The following PTPN1 variants were observed in gnomAD, a reference collection of about 807,000 sequenced individuals.
PTPN1 encodes the protein protein tyrosine phosphatase non-receptor type 1.
PTPN1 carries 12 observed loss-of-function variants against 59.9 expected under a neutral mutation model. The ratio of observed to expected loss-of-function variants is 0.20; its 90% CI spans 0.13 to 0.32. The LOEUF is 0.32. Among genes scored for constraint, PTPN1 ranks in the 10% least tolerant of loss-of-function variants. The pLI is 1.00. For missense variants in PTPN1, 356 were observed against 549.2 expected (o/e 0.65, Z 3.52); for synonymous variants, 178 against 203.6 (o/e 0.87, Z 1.07).
At position 50,574,577 on chromosome 20, in the gene PTPN1, A is replaced by G; in HGVS notation, c.415A>G (p.Asn139Asp). ...EEKEMIFEDT[N>D]LKLTLISEDI... ...AAAAGAGATGATCTTTGAAGACACA[A>G]ATTTGAAATTAACATTGATCTCTGA... Residue 139 changes from asparagine to aspartate, a missense_variant, in exon 5 of 10, where the codon AAT becomes GAT. Asn to Asp is a conservative substitution (Grantham distance 23). Coordinates refer to ENST00000371621, the MANE Select transcript of PTPN1 (RefSeq NM_002827.4). The G allele has an allele frequency of 2.5e-6, 4 of 1,607,690 alleles. No homozygotes were observed. The highest frequency in any genetic ancestry group is 3.4e-6 in the Non-Finnish European group (4 of 1,177,950).
chr20:50,579,402 G>T (rs2082854092), intron 7 of PTPN1, 73 bp downstream of exon 7: 1 of 1,518,204 alleles, frequency 6.6e-7, no homozygotes, highest in Non-Finnish European at 9.0e-7. Flanking sequence ...GCTGTCAGTT[G>T]TAAAAGTTCA....
At chr20:50,510,631 G>A in intron 1 of PTPN1, 41 bp downstream of exon 1, 5 of 1,544,898 alleles carry the variant, frequency 3.2e-6, no homozygotes, top group Non-Finnish European at 4.4e-6. Flanking sequence ...CTTCGCTTAG[G>A]CCGCTTGAAC....
chr20:50,558,027 G>T lies in PTPN1; in HGVS notation c.64-3336G>T, dbSNP rs559227701. The T allele has an allele frequency of 4.6e-5, 7 of 152,318 alleles. No homozygotes were observed. In the East Asian group the frequency reaches 1.3e-3, roughly 29 times the overall value. 9.4% of individuals were successfully genotyped at this position (152,318 alleles called of 1,614,324 possible). The stretch of plus-strand genomic sequence containing the variant: ...TTTTTGTGTTTTTTGTAGAGGTGGG[G>T]TTTTGCCATGTTGTCCAGACTCATC... On this transcript the variant is annotated intron_variant, in intron 1 of 9. Coordinates refer to ENST00000371621, the MANE Select transcript of PTPN1 (RefSeq NM_002827.4).
chr20:50,548,191 T>C (rs1283228562), intron 1 of PTPN1, among the ~76,000 whole-genome samples: 1 of 152,202 alleles, frequency 6.6e-6, no homozygotes, highest in Non-Finnish European at 1.5e-5. Flanking sequence ...CGCATTTCTC[T>C]GTAGTAGCTT....
intron 1 of PTPN1, among the ~76,000 whole-genome samples, chr20:50,546,253 T>G (rs1382603286): frequency 1.3e-5 from 2 of 152,200 alleles, no homozygotes; most frequent in Non-Finnish European, 2.9e-5. Flanking sequence ...GCTTGCCACA[T>G]AGTTGATGCT....
At chr20:50,513,304 A>C (rs1280990140) in intron 1 of PTPN1, among the ~76,000 whole-genome samples, 1 of 152,220 alleles carries the variant, frequency 6.6e-6, no homozygotes, top group African/African-American at 2.4e-5. Flanking sequence ...AACACTTTCA[A>C]ATCATCCGGT....
At chr20:50,581,219 A>G (rs780825434) in intron 8 of PTPN1, 46 bp from the exon 9 acceptor site, 1 of 1,539,296 alleles carries the variant, frequency 6.5e-7, no homozygotes, top group Non-Finnish European at 8.8e-7. Flanking sequence ...CTTGCCATTC[A>G]TTTTCTCCAA....
At chr20:50,543,867 A>G (rs2082663203) in intron 1 of PTPN1, among the ~76,000 whole-genome samples, 1 of 151,670 alleles carries the variant, frequency 6.6e-6, no homozygotes, top group African/African-American at 2.4e-5. Context: ...TTTTTTTGAG[A>G]CAGAGTCTCA....
intron 1 of PTPN1, among the ~76,000 whole-genome samples, chr20:50,543,491 C>A (rs530059510): frequency 6.6e-6 from 1 of 152,252 alleles, no homozygotes; most frequent in African/African-American, 2.4e-5. Context: ...TCAGAACTAC[C>A]GGATGCAGCT....
Position 50,537,610 on chromosome 20 carries a change from T to C in PTPN1, c.64-23753T>C, listed in dbSNP as rs933101278. ...GTTTTGTTCTGCCCTCAAAAAGCAT[T>C]CCCTCTCCTAATCATATCTCCGTCA... On this transcript the variant is annotated intron_variant, in intron 1 of 9. Transcript: ENST00000371621. Among the ~76,000 whole-genome samples the C allele has an allele frequency of 2.6e-5, 4 of 152,192 alleles. No individual in the cohort carries two copies. In the East Asian group the frequency reaches 5.8e-4, roughly 22 times the overall value.
At position 50,582,796 on chromosome 20, in the gene PTPN1, G is replaced by A. The variant is rs2082875652; in HGVS notation, c.*81G>A. On this transcript the variant is annotated 3_prime_UTR_variant, in exon 10 of 10. Coordinates refer to ENST00000371621, the MANE Select transcript of PTPN1 (RefSeq NM_002827.4). The surrounding 1 kb of genome is among the most constrained non-coding windows in gnomAD (Gnocchi z 4.2). ...ACGCCCGACTAGCAGGCATGCCGCG[G>A]TAGGTAAGGGCCGCCGGACCGCGTA... is the stretch of plus-strand genomic sequence containing the variant. The A allele has an allele frequency of 1.3e-6, 2 of 1,568,472 alleles. No individual in the cohort carries two copies. Among genetic ancestry groups the A allele is most frequent in the East Asian group, 4.5e-5 (2 of 44,276 alleles).
intron 4 of PTPN1, among the ~76,000 whole-genome samples, chr20:50,570,397 G>GT (rs1180179849): frequency 6.6e-6 from 1 of 152,180 alleles, no homozygotes; most frequent in African/African-American, 2.4e-5. Flanking sequence ...AACAGACAGG[G>GT]AGCTTGCCTA....
At chr20:50,522,849 G>A (rs963398547) in intron 1 of PTPN1, among the ~76,000 whole-genome samples, 2 of 151,978 alleles carry the variant, frequency 1.3e-5, no homozygotes, top group Non-Finnish European at 2.9e-5. Flanking sequence ...CGCCTCCCGA[G>A]TTCAAGTGAT....
chr20:50,536,743 T>TG (rs1196672873), intron 1 of PTPN1, among the ~76,000 whole-genome samples: 1 of 152,212 alleles, frequency 6.6e-6, no homozygotes, highest in African/African-American at 2.4e-5. Context: ...TGTAATTTGT[T>TG]GAACAGTCCT....
intron 1 of PTPN1, among the ~76,000 whole-genome samples, chr20:50,555,637 G>A (rs1011920): frequency 0.63 from 95,247 of 151,868 alleles, 29,792 homozygotes; most frequent in Middle Eastern, 0.78. Flanking sequence ...TTTAAAATCT[G>A]TTTTTTAAAA....
At chr20:50,518,299 C>T (rs184952500) in intron 1 of PTPN1, among the ~76,000 whole-genome samples, 42 of 152,302 alleles carry the variant, frequency 2.8e-4, no homozygotes, top group African/African-American at 9.6e-4. Flanking sequence ...CTCTTAAGAA[C>T]GTGAGTTACT....
At chr20:50,555,885 A>G (rs766829610) in intron 1 of PTPN1, among the ~76,000 whole-genome samples, 3 of 152,160 alleles carry the variant, frequency 2.0e-5, no homozygotes, top group Non-Finnish European at 2.9e-5. Flanking sequence ...TATCTGTATC[A>G]GATATTTCTT....
chr20:50,545,374 G>T (rs554522226), intron 1 of PTPN1, among the ~76,000 whole-genome samples: 1 of 152,162 alleles, frequency 6.6e-6, no homozygotes, highest in East Asian at 1.9e-4. Context: ...TTCTTGTAAC[G>T]TCATGACAAG....
chr20:50,540,424 A>C (rs1296229861), intron 1 of PTPN1, among the ~76,000 whole-genome samples: 1 of 152,208 alleles, frequency 6.6e-6, no homozygotes, highest in Non-Finnish European at 1.5e-5. Context: ...GGGTGGTGCC[A>C]GGCTTTTTTA....
Sources: allele counts gnomAD v4.1 joint callset (sites outside exome capture counted in the v4.1 genomes callset), GRCh38; gene constraint gnomAD v4.1.1; non-coding constraint Gnocchi (gnomAD v3.1); transcripts MANE v1.5; gene names NCBI Gene and HGNC (gene_info 2026-07-23, HGNC 2026-07-21).